GIPR: variants seen among roughly 807,000 people sequenced by gnomAD.
GIPR encodes GIP-R.
A neutral mutation model predicts 62.2 loss-of-function variants in GIPR; 74 were observed. The ratio of observed to expected loss-of-function variants is 1.19; its 90% CI spans 0.99 to 1.44. The LOEUF is 1.44. Among genes scored for constraint, GIPR ranks in the 40% most tolerant of loss-of-function variants. The probability of loss-of-function intolerance (pLI) is 0.00; values close to 1 mark genes in which losing one functional copy is unlikely to be tolerated. For missense variants in GIPR, 664 were observed against 611.8 expected, an observed-to-expected ratio of 1.09 and a Z score of -0.90; for synonymous variants, 256 against 262.2, an observed-to-expected ratio of 0.98 and a Z score of 0.23.
chr19:45,681,932 CT>C lies in GIPR; in HGVS notation c.1399del (p.Ter467ArgfsTer32). On this transcript the variant is annotated frameshift_variant and stop_lost, in exon 14 of 14. Coordinates refer to ENST00000590918, the MANE Select transcript of GIPR (RefSeq NM_000164.4). LOFTEE classifies it high-confidence loss of function. Reference sequence around the variant, plus strand: ...CCAGCCGGGAGTTGGAAAGTTACTGCTAGGGGGCGGGATCCCCGTGTCTGTT... The same window carrying C: ...CCAGCCGGGAGTTGGAAAGTTACTGCAGGGGGCGGGATCCCCGTGTCTGTT... ...EASRELESYC[*>X] 6.4e-7 allele frequency: 1 copy of C among 1,558,164 alleles called. No homozygotes were observed. Among genetic ancestry groups the C allele is most frequent in the Non-Finnish European group, 8.7e-7 (1 of 1,149,970 alleles).
chr19:45,678,081 TC>T lies in GIPR; in HGVS notation c.1014-3del. 6.2e-7 allele frequency: 1 copy of T among 1,612,286 alleles called. No homozygotes were observed. The stretch of plus-strand genomic sequence containing the variant: ...GCGGGATCACTGCTGCCGCCCTCTC[TC>T]CCCAGGCTGGCTCGCTCCACGCTGA... On this transcript the variant is annotated splice_region_variant and splice_polypyrimidine_tract_variant and intron_variant, in intron 11 of 13. Transcript: ENST00000590918.
chr19:45,673,015 C>A, intron 5 of GIPR, 61 bp downstream of exon 5: 1 of 988,472 alleles, frequency 1.0e-6, no homozygotes, highest in Non-Finnish European at 1.6e-6. Flanking sequence ...GCAGTAGATT[C>A]AGGCAGGGCC....
Position 45,669,621 on chromosome 19 carries a change from C to A in GIPR, c.72+29C>A, listed in dbSNP as rs745355566. ...AGGAAGCGAGGAGCCAGAGGAGCTC[C>A]AGGCTTGGAGGGAGGTATGGGGACG... On this transcript the variant is annotated intron_variant, in intron 2 of 13. Transcript: ENST00000590918. 6.4e-6 allele frequency: 10 copies of A among 1,558,794 alleles called. No individual in the cohort carries two copies. The South Asian group carries it at 1.1e-4, about 16-fold the overall frequency.
At chr19:45,679,893 C>T (rs927406147) in intron 12 of GIPR, among the ~76,000 whole-genome samples, 2 of 152,090 alleles carry the variant, frequency 1.3e-5, no homozygotes, top group Admixed American at 6.6e-5. Flanking sequence ...CCTCAGCCTC[C>T]CAAGTAGCTG....
At position 45,669,601 on chromosome 19, in the gene GIPR, G is replaced by A. The variant is rs1975430790; in HGVS notation, c.72+9G>A. On this transcript the variant is annotated intron_variant, in intron 2 of 13. Transcript: ENST00000590918. ...TGCTCCAGAGGGCGGAGGTGAGGAA[G>A]CGAGGAGCCAGAGGAGCTCCAGGCT... 1.3e-6 allele frequency: 2 copies of A among 1,574,526 alleles called. No homozygotes were observed. Among genetic ancestry groups the A allele is most frequent in the South Asian group, 1.2e-5 (1 of 86,488 alleles).
Position 45,674,097 on chromosome 19 carries a change from G to A in GIPR, c.408G>A (p.Arg136=). The A allele has an allele frequency of 6.2e-7, 1 of 1,612,472 alleles. No homozygotes were observed. The highest frequency in any genetic ancestry group is 8.5e-7 in the Non-Finnish European group (1 of 1,178,510). The change falls in exon 6 of 14, where the codon CGG becomes CGA. Residue 136 remains arginine, a synonymous_variant. Transcript: ENST00000590918. ...AFLDQRLILE[R]LQVMYTVGYS... is the part of the protein sequence containing the mutation. ...AGGACCAAAGGCTCATCTTGGAGCGGTTGCAGGTCATGTACACTGTCGGCT... is the reference window on the plus strand; with the variant it reads ...AGGACCAAAGGCTCATCTTGGAGCGATTGCAGGTCATGTACACTGTCGGCT...
Position 45,674,832 on chromosome 19 carries a change from C to A in GIPR, c.633+6C>A, listed in dbSNP as rs368430322. On this transcript the variant is annotated splice_donor_region_variant and intron_variant, in intron 7 of 13. Transcript: ENST00000590918. Reference sequence around the variant, plus strand: ...CCCTTGCGCTGTGGAACCAGGTGGGCATCCTCCTTCCGTTCCTCCAAATGG... The same window carrying A: ...CCCTTGCGCTGTGGAACCAGGTGGGAATCCTCCTTCCGTTCCTCCAAATGG... 2.9e-5 allele frequency: 46 copies of A among 1,613,418 alleles called. No individual in the cohort carries two copies. Among genetic ancestry groups the A allele is most frequent in the Non-Finnish European group, 3.9e-5 (46 of 1,179,540 alleles).
At chr19:45,676,401 A>G (rs948047475) in intron 7 of GIPR, among the ~76,000 whole-genome samples, 1 of 146,134 alleles carries the variant, frequency 6.8e-6, no homozygotes, top group Non-Finnish European at 1.5e-5. Flanking sequence ...TGTTTCTTTG[A>G]GATGGAGTCT....
At chr19:45,675,873 G>T (rs1376183977) in intron 7 of GIPR, among the ~76,000 whole-genome samples, 1 of 151,698 alleles carries the variant, frequency 6.6e-6, no homozygotes, top group Non-Finnish European at 1.5e-5. Context: ...TCTGGCGAAA[G>T]ATTGAGACCC....
rs1207653012 is a variant in GIPR, at chr19:45,681,645, G to C, written c.1194G>C (p.Glu398Asp). The part of the protein sequence containing the change: ...VSVLYCFINK[E>D]VQSEIRRGWH... ...TCCTCTACTGCTTCATCAACAAGGA[G>C]GTAGGCAGAGACCCGGCCGCCGCCC... Residue 398 changes from glutamate (E) to aspartate (D), a missense_variant and splice_region_variant, in exon 13 of 14, where the codon GAG (glutamate) becomes GAC (aspartate). By Grantham distance (45) the Glu-to-Asp change is conservative (BLOSUM62 2). Transcript: ENST00000590918. 2 of 1,613,840 alleles carry C rather than the reference G, an allele frequency of 1.2e-6. No homozygotes were observed. Among genetic ancestry groups the C allele is most frequent in the Non-Finnish European group, 8.5e-7 (1 of 1,179,902 alleles).
chr19:45,678,022 G>T, intron 11 of GIPR, 28 bp downstream of exon 11: 1 of 1,612,420 alleles, frequency 6.2e-7, no homozygotes, highest in Non-Finnish European at 8.5e-7. Context: ...GGACCGAGGG[G>T]AAGGGGCCGG....
intron 12 of GIPR, 119 bp from the exon 13 acceptor site, chr19:45,681,485 T>A: frequency 2.2e-6 from 2 of 908,472 alleles, no homozygotes; most frequent in Non-Finnish European, 3.6e-6. Context: ...ACAAGAGCAA[T>A]ATTCCGACTC....
chr19:45,678,606 A>G (rs1010657395), intron 12 of GIPR, among the ~76,000 whole-genome samples: 77 of 151,728 alleles, frequency 5.1e-4, no homozygotes, highest in African/African-American at 1.8e-3. Context: ...TGGGTAGTCC[A>G]CCCGCCTCGG....
In GIPR at chr19:45,671,316, C is replaced by T. The variant is rs1372105752; in HGVS notation, c.204C>T (p.Tyr68=). The T allele has an allele frequency of 1.2e-6, 2 of 1,612,560 alleles. No homozygotes were observed. Among genetic ancestry groups the T allele is most frequent in the Admixed American group, 1.7e-5 (1 of 59,928 alleles). ...GLACNGSFDM[Y]VCWDYAAPNA... is the part of the protein sequence containing the mutation. Reference sequence around the variant, plus strand: ...CCTGTAACGGGTCCTTCGATATGTACGTCTGCTGGGACTATGCTGCACCCA... The same window carrying T: ...CCTGTAACGGGTCCTTCGATATGTATGTCTGCTGGGACTATGCTGCACCCA... The change falls in exon 4 of 14, where the codon TAC becomes TAT. Residue 68 remains tyrosine, a synonymous_variant. Transcript: ENST00000590918.
At chr19:45,672,709 A>G in intron 4 of GIPR, 142 bp from the exon 5 acceptor site, 1 of 690,426 alleles carries the variant, frequency 1.4e-6, no homozygotes, top group South Asian at 1.5e-5. Context: ...AACATGCCAT[A>G]TAAGGGTTTA....
chr19:45,668,932 G>A (rs747798409), intron 1 of GIPR, among the ~76,000 whole-genome samples: 2 of 152,216 alleles, frequency 1.3e-5, no homozygotes, highest in African/African-American at 4.8e-5. Flanking sequence ...AACCCTTTGG[G>A]CTTGGAGAGT....
At chr19:45,671,841 C>A (rs1250512553) in intron 4 of GIPR, among the ~76,000 whole-genome samples, 1 of 150,976 alleles carries the variant, frequency 6.6e-6, no homozygotes, top group Non-Finnish European at 1.5e-5. Context: ...AGGCTGGTCT[C>A]GAACTCCTAA....
chr19:45,669,960 G>C (rs1303093569), intron 2 of GIPR, among the ~76,000 whole-genome samples: 1 of 151,540 alleles, frequency 6.6e-6, no homozygotes, highest in African/African-American at 2.4e-5. Context: ...GGGTGGGGGG[G>C]GGAGGCTTCC....
At chr19:45,675,134 G>A in intron 7 of GIPR, 1 of 376,200 alleles carries the variant, frequency 2.7e-6, no homozygotes, top group East Asian at 7.1e-5. Context: ...TGCTGGCGGT[G>A]AGGCATGGCA....
Sources: allele counts gnomAD v4.1 joint callset (sites outside exome capture counted in the v4.1 genomes callset), GRCh38; gene constraint gnomAD v4.1.1; transcripts MANE v1.5; gene names NCBI Gene and HGNC (gene_info 2026-07-23, HGNC 2026-07-21).